TAB2: variants seen among roughly 807,000 people sequenced by gnomAD.
The protein encoded by TAB2 is TGF-beta activated kinase 1 (MAP3K7) binding protein 2, also known as TGF-beta-activated kinase 1 and MAP3K7-binding protein 2.
A neutral mutation model predicts 65.0 loss-of-function variants in TAB2; 3 were observed. That is an observed-to-expected ratio of 0.05 (90% CI 0.02 to 0.12). TAB2 has a LOEUF of 0.12. Ranked by LOEUF, TAB2 falls within the 10% of genes least tolerant of loss-of-function variation. The pLI is 1.00. For missense variants in TAB2, 623 were observed against 840.3 expected (o/e 0.74, Z 3.20); for synonymous variants, 298 against 285.1 (o/e 1.05, Z -0.46).
intron 1 of TAB2, among the ~76,000 whole-genome samples, chr6:149,330,683 T>C (rs2114752110): frequency 6.6e-6 from 1 of 152,334 alleles, no homozygotes; most frequent in Admixed American, 6.5e-5. Flanking sequence ...ATCCAAGTCC[T>C]TTGTTGAATA....
chr6:149,218,401 C>T (rs1309459681), upstream of TAB2, among the ~76,000 whole-genome samples: 1 of 151,942 alleles, frequency 6.6e-6, no homozygotes, highest in African/African-American at 2.4e-5. Context: ...TAATCAGGGA[C>T]AAAAAAGAGA....
chr6:149,339,983 T>C (rs191577942), intron 1 of TAB2, among the ~76,000 whole-genome samples: 16 of 152,334 alleles, frequency 1.1e-4, no homozygotes, highest in African/African-American at 3.6e-4. Context: ...GTAATAATGC[T>C]AATTTTTTGT....
At chr6:149,318,982 A>C (rs1432668809) in intron 1 of TAB2, among the ~76,000 whole-genome samples, 1 of 152,244 alleles carries the variant, frequency 6.6e-6, no homozygotes, top group African/African-American at 2.4e-5. Flanking sequence ...TTAGGCCCCC[A>C]GTGCAGGCTG....
At chr6:149,369,850 C>T (rs973632716) in intron 1 of TAB2, 59 bp from the exon 2 acceptor site, 13 of 669,278 alleles carry the variant, frequency 1.9e-5, no homozygotes, top group Non-Finnish European at 3.4e-5. Flanking sequence ...ATTTTAAATC[C>T]ACAACAATAT....
intron 1 of TAB2, among the ~76,000 whole-genome samples, chr6:149,351,485 C>T (rs1350702023): frequency 6.6e-6 from 1 of 152,146 alleles, no homozygotes; most frequent in Non-Finnish European, 1.5e-5. Context: ...CCTTGAAGCT[C>T]TTTGAGTTGT....
intron 1 of TAB2, among the ~76,000 whole-genome samples, chr6:149,309,882 G>GT (rs1491276521): frequency 5.3e-5 from 6 of 112,558 alleles, no homozygotes; most frequent in African/African-American, 1.2e-4. Context: ...GTGTGGGTGT[G>GT]GGTGTGTGTG....
rs79910585 is a variant in TAB2 at position 149,233,930 on chromosome 6, C to T, written c.-121+15154C>T. Among the ~76,000 whole-genome samples the T allele has an allele frequency of 6.6e-5, 10 of 152,314 alleles. No homozygotes were observed. The East Asian group carries it at 1.7e-3, about 26-fold the overall frequency. On this transcript the variant is annotated intron_variant, in intron 1 of 1. Transcript: ENST00000606202. ...CCCCAAATGCTGTTAGGTTGGACCT[C>T]TCAATCCTATCCTTGTGTAATTCGC...
At chr6:149,373,638 G>A (rs1781303607) in intron 2 of TAB2, among the ~76,000 whole-genome samples, 1 of 152,198 alleles carries the variant, frequency 6.6e-6, no homozygotes, top group South Asian at 2.1e-4. Context: ...GTCTGTGCAG[G>A]AGTTTGGGGA....
In TAB2 at chr6:149,358,672, G is replaced by GTGTGTT. The variant is rs1210676011; in HGVS notation, c.-89-11236_-89-11235insGTGTTT. 1.2e-3 allele frequency among the ~76,000 whole-genome samples: 180 copies of GTGTGTT among 151,232 alleles called. 1 individual carries two copies. The highest frequency in any genetic ancestry group is 4.2e-3 in the African/African-American group (171 of 41,204). The stretch of plus-strand genomic sequence containing the variant: ...TGTGTGTGTGTGTGTGTGTGTGTGT[G>GTGTGTT]TTTTCAGTATATTATAAAGAAACAT... On this transcript the variant is annotated intron_variant, in intron 1 of 6. Transcript: ENST00000637181.
intron 1 of TAB2, among the ~76,000 whole-genome samples, chr6:149,284,606 ACT>A (rs1171819509): frequency 6.7e-6 from 1 of 149,644 alleles, no homozygotes; most frequent in African/African-American, 2.5e-5. Context: ...TCTAATTTTC[ACT>A]CTGAGTAAAT....
intron 1 of TAB2, among the ~76,000 whole-genome samples, chr6:149,267,228 G>C (rs945466395): frequency 6.6e-6 from 1 of 152,094 alleles, no homozygotes; most frequent in African/African-American, 2.4e-5. Context: ...GTTTCTGAAG[G>C]AATGTGATGA....
At chr6:149,380,990 C>A (rs12192814) in intron 3 of TAB2, among the ~76,000 whole-genome samples, 9,108 of 152,272 alleles carry the variant, frequency 0.06, 366 homozygotes, top group Middle Eastern at 0.078. Context: ...CGCCTGTAGT[C>A]CCAGCTTCTC....
intron 1 of TAB2, among the ~76,000 whole-genome samples, chr6:149,312,064 C>G (rs1779174843): frequency 6.6e-6 from 1 of 152,204 alleles, no homozygotes; most frequent in Non-Finnish European, 1.5e-5. Context: ...CTTCTGTTTT[C>G]AAGTCTAGTC....
chr6:149,248,746 C>G (rs535672145), intron 1 of TAB2, among the ~76,000 whole-genome samples: 1 of 152,142 alleles, frequency 6.6e-6, no homozygotes, highest in Non-Finnish European at 1.5e-5. Flanking sequence ...AGTGAAGCCC[C>G]GTGAGGCTCA....
chr6:149,288,936 C>T (rs1778725416), intron 1 of TAB2, among the ~76,000 whole-genome samples: 1 of 148,268 alleles, frequency 6.7e-6, no homozygotes, highest in Admixed American at 6.8e-5. Flanking sequence ...CGGCTCACTG[C>T]AACCTCCATC....
intron 3 of TAB2, among the ~76,000 whole-genome samples, chr6:149,388,954 CTTTT>C (rs61577861): frequency 2.6e-5 from 3 of 113,728 alleles, no homozygotes; most frequent in Non-Finnish European, 3.6e-5. Context: ...TAACAGAAAT[CTTTT>C]TTTTTTTTTT....
At chr6:149,375,314 CT>C (rs1187956800) in intron 2 of TAB2, among the ~76,000 whole-genome samples, 1 of 151,772 alleles carries the variant, frequency 6.6e-6, no homozygotes, top group African/African-American at 2.4e-5. Flanking sequence ...AGTACATTTC[CT>C]TTTGTCCTAA....
chr6:149,279,445 C>A (rs191301226), intron 1 of TAB2, among the ~76,000 whole-genome samples: 1 of 152,292 alleles, frequency 6.6e-6, no homozygotes. Flanking sequence ...TAAATGCTAC[C>A]TGTATGCCAG....
At chr6:149,223,842 G>A (rs1476984613) in intron 1 of TAB2, among the ~76,000 whole-genome samples, 1 of 152,012 alleles carries the variant, frequency 6.6e-6, no homozygotes, top group Non-Finnish European at 1.5e-5. Context: ...CAGCAGCTGA[G>A]GCTGAATGTA....
Sources: gnomAD v4.1 joint callset for allele counts (sites outside exome capture counted in the v4.1 genomes callset) on GRCh38, gnomAD v4.1.1 for gene constraint, MANE v1.5 for transcripts, NCBI Gene and HGNC (gene_info 2026-07-23, HGNC 2026-07-21) for gene names.